Variants in WDPCP observed in about 807,000 individuals in gnomAD.
WDPCP encodes the protein WD repeat-containing and planar cell polarity effector protein fritz homolog.
Under a neutral mutation model 93.1 loss-of-function variants are expected in WDPCP, and 71 were observed. That is an observed-to-expected ratio of 0.76 (90% confidence interval 0.63 to 0.93). WDPCP has a LOEUF of 0.93. Among genes scored for constraint, WDPCP ranks in the 40% least tolerant of loss-of-function variants. The pLI, the probability that WDPCP is intolerant of heterozygous loss-of-function variation, is 0.00. For missense variants in WDPCP, 844 were observed against 887.4 expected (o/e 0.95, Z 0.62); for synonymous variants, 315 against 315.0 (o/e 1.00, Z 0.00).
intron 17 of WDPCP, among the ~76,000 whole-genome samples, chr2:63,128,048 A>T (rs1574668868): frequency 6.6e-6 from 1 of 152,154 alleles, no homozygotes; most frequent in East Asian, 1.9e-4. Flanking sequence ...CTGAGGCAGG[A>T]GAATCACTTG....
chr2:63,466,492 A>G (rs1699352655), intron 6 of WDPCP, among the ~76,000 whole-genome samples: 1 of 152,198 alleles, frequency 6.6e-6, no homozygotes, highest in Admixed American at 6.5e-5. Flanking sequence ...ACATACATTT[A>G]TATCACATTC....
At position 63,492,905 on chromosome 2, in the gene WDPCP, G is replaced by C; in HGVS notation, c.111C>G (p.Cys37Trp). The C allele has an allele frequency of 6.2e-7, 1 of 1,613,596 alleles. No individual in the cohort carries two copies. Among genetic ancestry groups the C allele is most frequent in the Non-Finnish European group, 8.5e-7 (1 of 1,179,884 alleles). The change falls in exon 2 of 18, where the codon TGC becomes TGG. Residue 37 changes from cysteine (C) to tryptophan (W), a missense_variant. By Grantham distance (215) the Cys-to-Trp change is radical (BLOSUM62 -2). Transcript: ENST00000272321. ...RDSFCHQMSFCLTELHLWSLK... is the reference protein window; with the variant it reads ...RDSFCHQMSFWLTELHLWSLK... ...AAGACCACAGGTGCAGTTCAGTCAA[G>C]CAGAAAGACATCTGATGGCAGAAGG... is the stretch of plus-strand genomic sequence containing the variant.
intron 13 of WDPCP, among the ~76,000 whole-genome samples, chr2:63,274,780 C>T (rs529463832): frequency 5.9e-5 from 9 of 152,150 alleles, no homozygotes; most frequent in East Asian, 5.8e-4. Flanking sequence ...CTGAAGAGAG[C>T]GAGTTTTTTC....
chr2:63,778,218 G>T (rs1188771374), intron 2 of WDPCP, among the ~76,000 whole-genome samples: 2 of 150,734 alleles, frequency 1.3e-5, no homozygotes, highest in African/African-American at 4.9e-5. Flanking sequence ...TTTGTTTTTT[G>T]TTTTTTTGAG....
chr2:63,387,525 A>C (rs1692841680), intron 10 of WDPCP, among the ~76,000 whole-genome samples: 1 of 152,174 alleles, frequency 6.6e-6, no homozygotes, highest in Non-Finnish European at 1.5e-5. Flanking sequence ...ATAAATCCAC[A>C]GCCAACATCA....
chr2:63,359,471 C>T (rs1016975305), intron 12 of WDPCP, among the ~76,000 whole-genome samples: 3 of 152,194 alleles, frequency 2.0e-5, no homozygotes, highest in Admixed American at 2.0e-4. Context: ...AATGAGGTAT[C>T]ATTACATATC....
intron 13 of WDPCP, among the ~76,000 whole-genome samples, chr2:63,273,202 G>A (rs1456904869): frequency 6.6e-6 from 1 of 152,052 alleles, no homozygotes; most frequent in Admixed American, 6.5e-5. Context: ...CAAAAACTGA[G>A]GGAATTCATC....
At chr2:63,665,313 T>C (rs536665532) in intron 2 of WDPCP, among the ~76,000 whole-genome samples, 26 of 152,342 alleles carry the variant, frequency 1.7e-4, no homozygotes, top group Non-Finnish European at 3.7e-4. Flanking sequence ...TCTGGTGGTT[T>C]GCTGGCAATC....
intron 2 of WDPCP, among the ~76,000 whole-genome samples, chr2:63,691,550 G>T (rs116458377): frequency 1.3e-5 from 2 of 152,072 alleles, no homozygotes; most frequent in Non-Finnish European, 2.9e-5. Context: ...TGAAAGAATC[G>T]CTTGAACCTG....
intron 14 of WDPCP, among the ~76,000 whole-genome samples, chr2:63,231,674 TAA>T (rs1559228537): frequency 2.0e-5 from 3 of 148,446 alleles, no homozygotes; most frequent in African/African-American, 5.0e-5. Context: ...CTTGATGAAA[TAA>T]AAGAGGACAC....
At chr2:63,370,045 A>G (rs1691248635) in intron 12 of WDPCP, among the ~76,000 whole-genome samples, 1 of 152,202 alleles carries the variant, frequency 6.6e-6, no homozygotes, top group African/African-American at 2.4e-5. Flanking sequence ...AAAGCAAGGT[A>G]TACAAAATTT....
intron 9 of WDPCP, among the ~76,000 whole-genome samples, chr2:63,431,228 T>C (rs1174622767): frequency 1.3e-5 from 2 of 152,078 alleles, no homozygotes; most frequent in Admixed American, 6.5e-5. Context: ...CTAGGGAACC[T>C]GTAAAAGATA....
At chr2:63,722,806 G>C (rs1314587117) in intron 2 of WDPCP, among the ~76,000 whole-genome samples, 3 of 152,178 alleles carry the variant, frequency 2.0e-5, no homozygotes, top group Middle Eastern at 6.8e-3. Context: ...CATTGAGAAC[G>C]GGCCAGGATG....
At chr2:63,165,468 T>C (rs1483071084) in intron 15 of WDPCP, among the ~76,000 whole-genome samples, 1 of 152,144 alleles carries the variant, frequency 6.6e-6, no homozygotes, top group Non-Finnish European at 1.5e-5. Context: ...GTCATTTTTC[T>C]GTGGAAAAGT....
At chr2:63,293,019 G>A (rs1245730603) in intron 13 of WDPCP, among the ~76,000 whole-genome samples, 3 of 152,204 alleles carry the variant, frequency 2.0e-5, no homozygotes, top group African/African-American at 7.2e-5. Flanking sequence ...GGGGTTCTGT[G>A]CTCTGTGAAT....
At chr2:63,685,089 T>C (rs1310316311) in intron 2 of WDPCP, among the ~76,000 whole-genome samples, 1 of 151,928 alleles carries the variant, frequency 6.6e-6, no homozygotes, top group Non-Finnish European at 1.5e-5. Context: ...AAACTCAAAA[T>C]TGTAGAAGAA....
intron 1 of WDPCP, among the ~76,000 whole-genome samples, chr2:63,556,760 G>C (rs1706154381): frequency 6.6e-6 from 1 of 152,162 alleles, no homozygotes; most frequent in South Asian, 2.1e-4. Context: ...GTTAAGGACA[G>C]CCAGAGAGAA....
chr2:63,273,612 C>A (rs1304596024), intron 13 of WDPCP, among the ~76,000 whole-genome samples: 1 of 151,712 alleles, frequency 6.6e-6, no homozygotes, highest in African/African-American at 2.4e-5. Context: ...GTACAATAAA[C>A]AAAGTAAAGG....
chr2:63,199,284 AT>A (rs1357539031), intron 14 of WDPCP, among the ~76,000 whole-genome samples: 1 of 135,628 alleles, frequency 7.4e-6, no homozygotes, highest in Non-Finnish European at 1.7e-5. Context: ...GGCTGCAGAA[AT>A]TTGCATAAGA....
Sources: allele counts gnomAD v4.1 joint callset (sites outside exome capture counted in the v4.1 genomes callset), GRCh38; gene constraint gnomAD v4.1.1; transcripts MANE v1.5; gene names NCBI Gene and HGNC (gene_info 2026-07-23, HGNC 2026-07-21).